The following CORIN variants were observed in gnomAD, a reference collection of about 807,000 sequenced individuals.
The protein encoded by CORIN is corin, serine peptidase.
A neutral mutation model predicts 125.3 loss-of-function variants in CORIN; 117 were observed. That is an observed-to-expected ratio of 0.93 (90% confidence interval 0.80 to 1.09). CORIN has a LOEUF of 1.09. Ranked by LOEUF, CORIN falls within the 50% of genes least tolerant of loss-of-function variation. CORIN has a pLI of 0.00. For synonymous variants in CORIN, 450 were observed against 466.4 expected (o/e 0.96, Z 0.45); for missense variants, 1,253 against 1,306.7 (o/e 0.96, Z 0.63).
chr4:47,771,148 G>A (rs1485282880), intron 3 of CORIN, among the ~76,000 whole-genome samples: 2 of 152,022 alleles, frequency 1.3e-5, no homozygotes, highest in Admixed American at 6.6e-5. Flanking sequence ...GGGAAAAAAT[G>A]GGTTATGAGC....
intron 3 of CORIN, among the ~76,000 whole-genome samples, chr4:47,780,868 C>T (rs1730510321): frequency 6.7e-6 from 1 of 150,034 alleles, no homozygotes; most frequent in Non-Finnish European, 1.5e-5. Context: ...CCAATGGTAA[C>T]CATAAATAAA....
intron 5 of CORIN, among the ~76,000 whole-genome samples, chr4:47,726,446 C>T (rs1727601858): frequency 6.6e-6 from 1 of 151,946 alleles, no homozygotes; most frequent in African/African-American, 2.4e-5. Flanking sequence ...AAACAGGTTT[C>T]AAAAGGGAAT....
chr4:47,794,203 C>T (rs998742005), intron 2 of CORIN, among the ~76,000 whole-genome samples: 3 of 152,090 alleles, frequency 2.0e-5, no homozygotes, highest in East Asian at 3.9e-4. Flanking sequence ...ACTAAGAATA[C>T]ATTATAAGTT....
intron 4 of CORIN, among the ~76,000 whole-genome samples, chr4:47,748,329 A>C (rs149670125): frequency 6.6e-6 from 1 of 152,376 alleles, no homozygotes; most frequent in Non-Finnish European, 1.5e-5. Flanking sequence ...TGATGACTTT[A>C]AAACAGCTCT....
chr4:47,702,694 A>G (rs1726359829), intron 5 of CORIN, among the ~76,000 whole-genome samples: 1 of 152,178 alleles, frequency 6.6e-6, no homozygotes, highest in Admixed American at 6.5e-5. Context: ...ATGACTTTAC[A>G]ATATTATGTA....
In CORIN at chr4:47,734,554, A is replaced by G. The variant is rs1728037563; in HGVS notation, c.799+9848T>C. On this transcript the variant is annotated intron_variant, in intron 5 of 21. Coordinates refer to ENST00000273857, the MANE Select transcript of CORIN (RefSeq NM_006587.4). ...TCTGTATCACAGCATATTTACATGT[A>G]GTTATTAATGCTCTTTTAACATTCT... Among the ~76,000 whole-genome samples, 4 of 152,356 alleles carry G rather than the reference A, an allele frequency of 2.6e-5. No individual in the cohort carries two copies. The South Asian group carries it at 8.3e-4, about 32-fold the overall frequency.
At chr4:47,726,618 G>A (rs1727608662) in intron 5 of CORIN, among the ~76,000 whole-genome samples, 1 of 151,920 alleles carries the variant, frequency 6.6e-6, no homozygotes, top group Non-Finnish European at 1.5e-5. Flanking sequence ...CTAATTTTGT[G>A]GTGGTTACAA....
chr4:47,602,690 T>A (rs1400393813), intron 20 of CORIN, among the ~76,000 whole-genome samples: 1 of 152,164 alleles, frequency 6.6e-6, no homozygotes, highest in African/African-American at 2.4e-5. Context: ...CAGAGAGAGA[T>A]TCTGAAGTGT....
chr4:47,742,580 A>G (rs1728457841), intron 5 of CORIN, among the ~76,000 whole-genome samples: 1 of 152,062 alleles, frequency 6.6e-6, no homozygotes, highest in Non-Finnish European at 1.5e-5. Context: ...ATTGAGAGAA[A>G]TTTTAAAATG....
chr4:47,677,055 T>C (rs919199811), intron 9 of CORIN, among the ~76,000 whole-genome samples: 1 of 152,196 alleles, frequency 6.6e-6, no homozygotes, highest in Non-Finnish European at 1.5e-5. Context: ...TATCTATAGG[T>C]GACCAGTCTC....
Position 47,601,980 on chromosome 4 carries a change from T to C in CORIN, c.2812+1417A>G, listed in dbSNP as rs533972603. On this transcript the variant is annotated intron_variant, in intron 20 of 21. Transcript: ENST00000273857. ...ATTATTCTTGAAAGCCATGGCATTA[T>C]ACTTGATATGGACAGAGTAGGCAGC... Among the ~76,000 whole-genome samples, 8 of 152,236 alleles carry C rather than the reference T, an allele frequency of 5.3e-5. No homozygotes were observed. The South Asian group carries it at 1.5e-3, about 28-fold the overall frequency.
At chr4:47,677,292 C>T (rs1197531975) in intron 9 of CORIN, among the ~76,000 whole-genome samples, 1 of 152,174 alleles carries the variant, frequency 6.6e-6, no homozygotes, top group Non-Finnish European at 1.5e-5. Context: ...GGTATCAGGG[C>T]TGCAACAATC....
intron 10 of CORIN, 60 bp downstream of exon 10, chr4:47,674,333 A>G (rs972285381): frequency 8.6e-7 from 1 of 1,165,754 alleles, no homozygotes; most frequent in African/African-American, 1.5e-5. Flanking sequence ...TCAATGCAGA[A>G]GAAAAATGCT....
chr4:47,632,496 G>A (rs1470298303), intron 16 of CORIN: 1 of 152,142 alleles, frequency 6.6e-6, no homozygotes, highest in East Asian at 1.9e-4. Flanking sequence ...AAGTTATTGT[G>A]TCAAGTAGAA....
intron 1 of CORIN, among the ~76,000 whole-genome samples, chr4:47,809,867 G>A (rs1319961500): frequency 6.6e-6 from 1 of 152,188 alleles, no homozygotes; most frequent in African/African-American, 2.4e-5. Context: ...GCCCTTGGAG[G>A]TTCCTCTGAA....
chr4:47,677,686 A>T (rs1429884828), intron 9 of CORIN, among the ~76,000 whole-genome samples: 1 of 152,184 alleles, frequency 6.6e-6, no homozygotes, highest in African/African-American at 2.4e-5. Flanking sequence ...TCCCCATCGA[A>T]CAGTTAAGTG....
intron 1 of CORIN, among the ~76,000 whole-genome samples, chr4:47,830,337 C>G (rs775321695): frequency 1.3e-5 from 2 of 152,068 alleles, no homozygotes; most frequent in Non-Finnish European, 2.9e-5. Flanking sequence ...CAGGATCACA[C>G]GTGGAACTGC....
chr4:47,761,045 G>C (rs1236931739), intron 4 of CORIN, among the ~76,000 whole-genome samples: 3 of 152,132 alleles, frequency 2.0e-5, no homozygotes, highest in Non-Finnish European at 4.4e-5. Context: ...AGAATGTTGT[G>C]GCTGTTTTGA....
rs775507102 is a variant in CORIN at position 47,595,825 on chromosome 4, C to T, written c.3025G>A (p.Val1009Ile). ...TLFGLTSWGSVCFSKVLGPGV... is the reference protein window; with the variant it reads ...TLFGLTSWGSICFSKVLGPGV... ...GGCCCCAGGACTTTGGAAAAGCAGA[C>T]GGAGCCCCATGAAGTTAATCCAAAT... Residue 1009 changes from valine to isoleucine, a missense_variant, in exon 22 of 22, where the codon GTC becomes ATC. Coordinates refer to ENST00000273857, the MANE Select transcript of CORIN (RefSeq NM_006587.4). The T allele has an allele frequency of 5.6e-6, 9 of 1,613,698 alleles. No individual in the cohort carries two copies. The highest frequency in any genetic ancestry group is 1.6e-4 in the Middle Eastern group (1 of 6,080).
Sources: gnomAD v4.1 joint callset for allele counts (sites outside exome capture counted in the v4.1 genomes callset) on GRCh38, gnomAD v4.1.1 for gene constraint, MANE v1.5 for transcripts, NCBI Gene and HGNC (gene_info 2026-07-23, HGNC 2026-07-21) for gene names.